Variants in CTIF observed in about 807,000 individuals in gnomAD.
The protein encoded by CTIF is CBP80/20-dependent translation initiation factor.
A neutral mutation model predicts 66.0 loss-of-function variants in CTIF; 21 were observed. The observed-to-expected ratio is 0.32, with a 90% CI of 0.23 to 0.46. The LOEUF is 0.46. CTIF is among the 20% of genes least tolerant of loss of function. The pLI is 1.00. For synonymous variants in CTIF, 345 were observed against 326.4 expected (o/e 1.06, Z -0.62); for missense variants, 739 against 812.7 (o/e 0.91, Z 1.10).
chr18:48,846,687 GTAGA>G (rs1398529369), intron 10 of CTIF, among the ~76,000 whole-genome samples: 1 of 148,824 alleles, frequency 6.7e-6, no homozygotes, highest in African/African-American at 2.5e-5. Flanking sequence ...GAATAGGTGA[GTAGA>G]TAGATGGATG....
chr18:48,610,697 C>A (rs187255772), intron 1 of CTIF, among the ~76,000 whole-genome samples: 2 of 152,364 alleles, frequency 1.3e-5, no homozygotes, highest in Admixed American at 6.5e-5. Context: ...GCCTTCCGGC[C>A]AGCCATGCCC....
chr18:48,619,661 G>T lies in CTIF; in HGVS notation c.96G>T (p.Val32=). ...TGGAGCGCTTCATCGACAGCTACGT[G>T]CTGGAGTACCAGGTGCAGGGGCTGC... The part of the protein sequence containing the change: ...EELERFIDSY[V]LEYQVQGLLA... The change falls in exon 2 of 12, where the codon GTG becomes GTT. Residue 32 remains valine, a synonymous_variant. Coordinates refer to ENST00000256413, the MANE Select transcript of CTIF (RefSeq NM_014772.3). 1 of 1,607,444 alleles carries T rather than the reference G, an allele frequency of 6.2e-7. No homozygotes were observed. The highest frequency in any genetic ancestry group is 8.5e-7 in the Non-Finnish European group (1 of 1,177,200).
rs1208474181 is a variant in CTIF, at chr18:48,861,267, A to AG, written c.*1713dup. The AG allele has an allele frequency of 6.6e-6, 1 of 152,302 alleles. No individual in the cohort carries two copies. The highest frequency in any genetic ancestry group is 1.5e-5 in the Non-Finnish European group (1 of 68,102). The allele number at this position is 152,302 out of a possible 1,614,324, so 9.4% of individuals were successfully genotyped here. On this transcript the variant is annotated 3_prime_UTR_variant, in exon 12 of 12. Coordinates refer to ENST00000256413, the MANE Select transcript of CTIF (RefSeq NM_014772.3). ...AAAGAGCCTGTTGGCGACAAGGTGTAGGGGGCACAAGTTTACCTGAAACAG... is the reference window on the plus strand; with the variant it reads ...AAAGAGCCTGTTGGCGACAAGGTGTAGGGGGGCACAAGTTTACCTGAAACAG...
chr18:48,773,585 G>A (rs1468722229), intron 9 of CTIF, among the ~76,000 whole-genome samples: 1 of 152,182 alleles, frequency 6.6e-6, no homozygotes, highest in African/African-American at 2.4e-5. Context: ...AGAGCTTCTG[G>A]GACAAGTCAG....
At position 48,860,255 on chromosome 18, in the gene CTIF, G is replaced by A. The variant is rs941270720; in HGVS notation, c.*696G>A. On this transcript the variant is annotated 3_prime_UTR_variant, in exon 12 of 12. Transcript: ENST00000256413. ...TTCCACTTGCACTCTTTTGTTTATT[G>A]TGTTTTATTTTTCAAAAGTCGGTTG... 4.2e-5 allele frequency: 13 copies of A among 306,590 alleles called. 1 individual carries two copies. 19.0% of individuals were successfully genotyped at this position (306,590 alleles called of 1,614,324 possible).
At chr18:48,790,012 G>T (rs897413299) in intron 9 of CTIF, among the ~76,000 whole-genome samples, 2 of 152,208 alleles carry the variant, frequency 1.3e-5, no homozygotes, top group African/African-American at 2.4e-5. Context: ...AAAATGGGAT[G>T]ATCACAGCTT....
Position 48,561,215 on chromosome 18 carries a change from G to A in CTIF, c.-29+21903G>A, listed in dbSNP as rs1016760752. Among the ~76,000 whole-genome samples, 9 of 137,980 alleles carry A rather than the reference G, an allele frequency of 6.5e-5. No individual in the cohort carries two copies. The South Asian group carries it at 6.9e-4, about 11-fold the overall frequency. 90.5% of individuals were successfully genotyped at this position (137,980 alleles called of 152,430 possible). A position where few individuals can be genotyped will look rare whatever the true frequency, so the allele number is the denominator to read the frequency against. ...ATTGTGCCACTGCATTTCAGCTTGGGCGACAGTGAGACTCTGTCTCAAAAA... is the reference window on the plus strand; with the variant it reads ...ATTGTGCCACTGCATTTCAGCTTGGACGACAGTGAGACTCTGTCTCAAAAA... On this transcript the variant is annotated intron_variant, in intron 1 of 11. Coordinates refer to ENST00000256413, the MANE Select transcript of CTIF (RefSeq NM_014772.3).
intron 11 of CTIF, 115 bp downstream of exon 11, chr18:48,857,756 G>A (rs1568273902): frequency 2.1e-6 from 2 of 940,484 alleles, no homozygotes; most frequent in Non-Finnish European, 3.2e-6. Flanking sequence ...GGGAAGGTAG[G>A]TGGATGGCTT....
chr18:48,811,553 AC>A (rs911657366), intron 9 of CTIF, among the ~76,000 whole-genome samples: 5 of 151,752 alleles, frequency 3.3e-5, no homozygotes, highest in Non-Finnish European at 7.4e-5. Flanking sequence ...CTACCTATTA[AC>A]CCCCCATGTC....
chr18:48,666,975 G>A (rs1024807572), intron 5 of CTIF, among the ~76,000 whole-genome samples: 1 of 152,042 alleles, frequency 6.6e-6, no homozygotes, highest in African/African-American at 2.4e-5. Context: ...CGGAGCTTGG[G>A]TATGCCACAG....
intron 1 of CTIF, among the ~76,000 whole-genome samples, chr18:48,576,406 T>C (rs2089532557): frequency 6.6e-6 from 1 of 152,236 alleles, no homozygotes. Context: ...AAGTCCCTTC[T>C]TGAGATGGCC....
rs1177042517 is a variant in CTIF, at chr18:48,740,304, C to A, written c.585-17615C>A. 3.3e-5 allele frequency among the ~76,000 whole-genome samples: 5 copies of A among 152,212 alleles called. No individual in the cohort carries two copies. The East Asian group carries it at 9.6e-4, about 29-fold the overall frequency. On this transcript the variant is annotated intron_variant, in intron 7 of 11. Transcript: ENST00000256413. Reference sequence around the variant, plus strand: ...ATCCAGCTTCCAAACTAAGAGATGGCCCCCTGTAGCCAGGTTCCTGCCCTT... The same window carrying A: ...ATCCAGCTTCCAAACTAAGAGATGGACCCCTGTAGCCAGGTTCCTGCCCTT...
In CTIF at chr18:48,716,600, T is replaced by G. The variant is rs1016193939; in HGVS notation, c.584+4905T>G. ...ACATGGCTCCCTAGAAACAGAGCCATGTGGGTGGTGCTCACAGCGGCCACC... is the reference window on the plus strand; with the variant it reads ...ACATGGCTCCCTAGAAACAGAGCCAGGTGGGTGGTGCTCACAGCGGCCACC... On this transcript the variant is annotated intron_variant, in intron 7 of 11. Coordinates refer to ENST00000256413, the MANE Select transcript of CTIF (RefSeq NM_014772.3). Among the ~76,000 whole-genome samples, 12 of 152,230 alleles carry G rather than the reference T, an allele frequency of 7.9e-5. No individual in the cohort carries two copies. In the East Asian group the frequency reaches 2.3e-3, roughly 29 times the overall value.
At chr18:48,560,950 A>T (rs529731754) in intron 1 of CTIF, among the ~76,000 whole-genome samples, 2 of 152,210 alleles carry the variant, frequency 1.3e-5, no homozygotes, top group Non-Finnish European at 2.9e-5. Flanking sequence ...GTGAAAAAGA[A>T]ATGTTTGGCT....
chr18:48,681,739 C>G (rs907543612), intron 6 of CTIF, among the ~76,000 whole-genome samples: 6 of 152,122 alleles, frequency 3.9e-5, no homozygotes, highest in African/African-American at 1.4e-4. Flanking sequence ...TCCTTCCCAC[C>G]TCATCCACCT....
chr18:48,632,788 C>T (rs984830336), intron 2 of CTIF, among the ~76,000 whole-genome samples: 1 of 152,108 alleles, frequency 6.6e-6, no homozygotes, highest in Non-Finnish European at 1.5e-5. Context: ...TCAGCCGTGC[C>T]GTCCCCACCC....
Position 48,603,475 on chromosome 18 carries a change from ATGGGTGGG to A in CTIF, c.-28-16043_-28-16036del, listed in dbSNP as rs532504162. ...GATAGGTGAGTGAATGGATGGCTAG[ATGGGTGGG>A]TGGGTGGGTGGGTGGGTGGATGGAT... On this transcript the variant is annotated intron_variant, in intron 1 of 11. Transcript: ENST00000256413. 6.8e-3 allele frequency among the ~76,000 whole-genome samples: 354 copies of A among 52,166 alleles called. 6 individuals carry two copies. Among genetic ancestry groups the A allele is most frequent in the African/African-American group, 0.014 (253 of 17,864 alleles). The allele number at this position is 52,166 out of a possible 152,430, so 34.2% of individuals were successfully genotyped here.
chr18:48,649,849 C>T (rs774098259), intron 3 of CTIF, among the ~76,000 whole-genome samples: 27 of 152,174 alleles, frequency 1.8e-4, no homozygotes, highest in Admixed American at 3.9e-4. Flanking sequence ...CTGGAGTGGA[C>T]GTCCAGCAAA....
At chr18:48,725,512 A>G (rs543953310) in intron 7 of CTIF, among the ~76,000 whole-genome samples, 1 of 152,154 alleles carries the variant, frequency 6.6e-6, no homozygotes, top group African/African-American at 2.4e-5. Flanking sequence ...AAGGACAGCC[A>G]CCTTCTGCCT....
Sources: allele counts gnomAD v4.1 joint callset (sites outside exome capture counted in the v4.1 genomes callset), GRCh38; gene constraint gnomAD v4.1.1; transcripts MANE v1.5; gene names NCBI Gene and HGNC (gene_info 2026-07-23, HGNC 2026-07-21).